The following ZNF385D variants were observed in gnomAD, a reference collection of about 807,000 sequenced individuals.
ZNF385D encodes zinc finger protein 659.
In ZNF385D, 15 loss-of-function variants were observed where a neutral mutation model predicts 35.8. The observed-to-expected ratio is 0.42, with a 90% confidence interval of 0.28 to 0.64. ZNF385D has a LOEUF of 0.64. Ranked by LOEUF, ZNF385D falls within the 30% of genes least tolerant of loss-of-function variation. The pLI, the probability that ZNF385D is intolerant of heterozygous loss-of-function variation, is 0.23. For synonymous variants in ZNF385D, 212 were observed against 186.8 expected, an observed-to-expected ratio of 1.13 and a Z score of -1.10; for missense variants, 474 against 494.6, an observed-to-expected ratio of 0.96 and a Z score of 0.39.
intron 3 of ZNF385D, among the ~76,000 whole-genome samples, chr3:22,000,209 G>T (rs923892313): frequency 3.3e-5 from 5 of 152,104 alleles, no homozygotes; most frequent in African/African-American, 1.2e-4. Flanking sequence ...GGAGGCTGAG[G>T]CAGGAGAATG....
At chr3:22,191,502 A>G (rs1696027880) in intron 2 of ZNF385D, among the ~76,000 whole-genome samples, 1 of 152,054 alleles carries the variant, frequency 6.6e-6, no homozygotes, top group Non-Finnish European at 1.5e-5. Context: ...AAAAAAAAAA[A>G]AAAGGACAAT....
chr3:21,437,713 A>AAAAAAAAAAAAAAAAAAC (rs1701640004), intron 4 of ZNF385D, among the ~76,000 whole-genome samples: 2 of 149,146 alleles, frequency 1.3e-5, no homozygotes, highest in African/African-American at 2.4e-5. Flanking sequence ...AAAAAAAAAA[A>AAAAAAAAAAAAAAAAAAC]AAAAAACCGG....
chr3:21,587,720 G>T (rs1227907410), intron 2 of ZNF385D, among the ~76,000 whole-genome samples: 1 of 150,082 alleles, frequency 6.7e-6, no homozygotes, highest in Non-Finnish European at 1.5e-5. Context: ...TGAATGATAT[G>T]TAACAGACTT....
intron 3 of ZNF385D, among the ~76,000 whole-genome samples, chr3:21,761,963 C>T (rs908576852): frequency 2.2e-5 from 3 of 137,718 alleles, no homozygotes; most frequent in Non-Finnish European, 4.5e-5. Flanking sequence ...ACTGCAACCT[C>T]TGACTTCCTG....
intron 3 of ZNF385D, among the ~76,000 whole-genome samples, chr3:21,822,947 G>C (rs1366151650): frequency 6.6e-6 from 1 of 151,952 alleles, no homozygotes; most frequent in Non-Finnish European, 1.5e-5. Flanking sequence ...AAAAGCAAAT[G>C]AATTACTCAA....
chr3:22,294,745 C>G (rs1483562618), intron 2 of ZNF385D, among the ~76,000 whole-genome samples: 1 of 152,064 alleles, frequency 6.6e-6, no homozygotes, highest in Non-Finnish European at 1.5e-5. Flanking sequence ...ATGCAAAATA[C>G]TAGCATGTTG....
At chr3:21,955,816 G>A (rs1248506400) in intron 3 of ZNF385D, among the ~76,000 whole-genome samples, 2 of 152,016 alleles carry the variant, frequency 1.3e-5, no homozygotes, top group African/African-American at 4.8e-5. Flanking sequence ...AGTACTACTG[G>A]TGTGACACAG....
chr3:21,873,983 AT>A (rs3042168), intron 3 of ZNF385D, among the ~76,000 whole-genome samples: 67,390 of 150,042 alleles, frequency 0.45, 15,226 homozygotes, highest in Middle Eastern at 0.62. Flanking sequence ...TCCTGATTTC[AT>A]TTTTTTTTTT....
intron 3 of ZNF385D, among the ~76,000 whole-genome samples, chr3:21,964,437 A>AAG (rs1702777013): frequency 6.8e-6 from 1 of 146,224 alleles, no homozygotes; most frequent in East Asian, 2.0e-4. Context: ...AAAAAAGAAA[A>AAG]AAAAAAAAAG....
intron 3 of ZNF385D, among the ~76,000 whole-genome samples, chr3:21,765,084 T>G (rs2070769494): frequency 6.6e-6 from 1 of 152,114 alleles, no homozygotes; most frequent in South Asian, 2.1e-4. Flanking sequence ...GTTTCCAAAA[T>G]GAGAGTCTTT....
At chr3:21,653,676 A>G (rs1364326058) in intron 2 of ZNF385D, among the ~76,000 whole-genome samples, 1 of 151,994 alleles carries the variant, frequency 6.6e-6, no homozygotes, top group Non-Finnish European at 1.5e-5. Context: ...TGTCAATAGC[A>G]CCTCATAGGT....
intron 3 of ZNF385D, among the ~76,000 whole-genome samples, chr3:21,952,767 A>C (rs1486390): frequency 0.86 from 131,197 of 151,760 alleles, 56,920 homozygotes; most frequent in East Asian, 0.98. Flanking sequence ...TAAAAATGTA[A>C]CTGCTACTTA....
chr3:22,121,664 T>C (rs1576354993), intron 3 of ZNF385D, among the ~76,000 whole-genome samples: 1 of 141,112 alleles, frequency 7.1e-6, no homozygotes, highest in Admixed American at 7.7e-5. Flanking sequence ...AGTTGTTGAA[T>C]GATGTGATTT....
chr3:21,841,170 T>G (rs993831161), intron 3 of ZNF385D, among the ~76,000 whole-genome samples: 1 of 152,060 alleles, frequency 6.6e-6, no homozygotes, highest in African/African-American at 2.4e-5. Context: ...TGTTTTTTAC[T>G]AAACTGCATA....
chr3:21,906,112 CACA>C (rs2125905493), intron 3 of ZNF385D, among the ~76,000 whole-genome samples: 1 of 152,316 alleles, frequency 6.6e-6, no homozygotes, highest in South Asian at 2.1e-4. Flanking sequence ...AACCCAGCCA[CACA>C]ACATTTTGCA....
intron 3 of ZNF385D, among the ~76,000 whole-genome samples, chr3:21,952,938 T>C (rs985107878): frequency 1.3e-5 from 2 of 152,042 alleles, no homozygotes; most frequent in African/African-American, 4.8e-5. Flanking sequence ...TCTCAGACTT[T>C]CAAAGAGGTT....
At chr3:21,715,520 T>C (rs2068282621) in intron 1 of ZNF385D, among the ~76,000 whole-genome samples, 1 of 152,200 alleles carries the variant, frequency 6.6e-6, no homozygotes, top group Non-Finnish European at 1.5e-5. Flanking sequence ...TTAGGGTGAT[T>C]CCATATCTTT....
At position 21,991,623 on chromosome 3, in the gene ZNF385D, A is replaced by T. The variant is rs570635199; in HGVS notation, c.325+177194T>A. Among the ~76,000 whole-genome samples, 21 of 152,326 alleles carry T rather than the reference A, an allele frequency of 1.4e-4. 1 individual carries two copies. In the East Asian group the frequency reaches 3.9e-3, roughly 28 times the overall value. Reference sequence around the variant, plus strand: ...ATGCTCTAGCACGACAGCTAATAAGACAAAGAACTGTATTATGGCACGTCT... The same window carrying T: ...ATGCTCTAGCACGACAGCTAATAAGTCAAAGAACTGTATTATGGCACGTCT... On this transcript the variant is annotated intron_variant, in intron 3 of 5. Coordinates refer to the ZNF385D transcript ENST00000494108.
chr3:22,330,930 A>G (rs1575134016), intron 2 of ZNF385D, among the ~76,000 whole-genome samples: 1 of 152,138 alleles, frequency 6.6e-6, no homozygotes, highest in South Asian at 2.1e-4. Context: ...CCAACTTTTG[A>G]CTTGGCATGT....
Sources: allele counts gnomAD v4.1 joint callset (sites outside exome capture counted in the v4.1 genomes callset), GRCh38; gene constraint gnomAD v4.1.1; transcripts MANE v1.5; gene names NCBI Gene and HGNC (gene_info 2026-07-23, HGNC 2026-07-21).